CDH26: variants seen among roughly 807,000 people sequenced by gnomAD.
The protein encoded by CDH26 is cadherin 26, also known as cadherin-like protein 26.
Under a neutral mutation model 90.3 loss-of-function variants are expected in CDH26, and 83 were observed. The ratio of observed to expected loss-of-function variants is 0.92; its 90% CI spans 0.77 to 1.10. The LOEUF is 1.10. CDH26 is among the 50% of genes least tolerant of loss of function. The pLI is 0.00. For synonymous variants in CDH26, 397 were observed against 396.3 expected, an observed-to-expected ratio of 1.00 and a Z score of -0.02; for missense variants, 1,013 against 1,037.6, an observed-to-expected ratio of 0.98 and a Z score of 0.33.
rs554586698 is a variant in CDH26, at chr20:59,970,107, G to A, written c.152G>A (p.Arg51Gln). The A allele has an allele frequency of 6.2e-6, 10 of 1,613,950 alleles. No homozygotes were observed. The highest frequency in any genetic ancestry group is 5.3e-5 in the African/African-American group (4 of 75,024). ...GAAAAGATCTACCAGCCTCTACGGC[G>A]ATCCAAGAGAAGATGGGTTATCACC... Reference protein sequence around the residue: ...TKEKIYQPLRRSKRRWVITTL... With the variant: ...TKEKIYQPLRQSKRRWVITTL... Residue 51 changes from arginine to glutamine, a missense_variant, in exon 3 of 18, where the codon CGA (arginine) becomes CAA (glutamine). Transcript: ENST00000348616.
At chr20:60,004,656 C>T (rs368481868) in intron 16 of CDH26, among the ~76,000 whole-genome samples, 55 of 150,376 alleles carry the variant, frequency 3.7e-4, no homozygotes, top group African/African-American at 1.3e-3. Flanking sequence ...GCCCCAGCTA[C>T]TTGGGAGGCT....
intron 7 of CDH26, among the ~76,000 whole-genome samples, chr20:60,020,713 G>T (rs1416568967): frequency 6.6e-6 from 1 of 152,162 alleles, no homozygotes; most frequent in African/African-American, 2.4e-5. Context: ...GCTCACAGTG[G>T]GTGGGTATGT....
At chr20:60,032,273 T>C (rs993338389) in intron 8 of CDH26, among the ~76,000 whole-genome samples, 3 of 152,294 alleles carry the variant, frequency 2.0e-5, no homozygotes, top group Non-Finnish European at 2.9e-5. Flanking sequence ...GGCCTGTAGG[T>C]TGGCTGTGGC....
At chr20:60,005,502 A>ATGTG (rs2032974868) in intron 16 of CDH26, among the ~76,000 whole-genome samples, 1 of 152,222 alleles carries the variant, frequency 6.6e-6, no homozygotes, top group African/African-American at 2.4e-5. Context: ...GTATGTATGT[A>ATGTG]TGTATGTATG....
Position 59,992,197 on chromosome 20 carries a change from C to T in CDH26, c.1284-181C>T, listed in dbSNP as rs891502140. 6.6e-6 allele frequency among the ~76,000 whole-genome samples: 1 copy of T among 152,172 alleles called. No homozygotes were observed. Among genetic ancestry groups the T allele is most frequent in the South Asian group, 2.1e-4 (1 of 4,826 alleles). The stretch of plus-strand genomic sequence containing the variant: ...TAGGAGAGTCTTTAGGCTGTCCTCC[C>T]TGTGCTTCCATTCCTTTCGTGAATT... On this transcript the variant is annotated intron_variant, in intron 9 of 17. Coordinates refer to ENST00000348616, the MANE Select transcript of CDH26 (RefSeq NM_177980.4). This position sits in a 1 kb window ranked among gnomAD's most constrained non-coding sequence, Gnocchi z 5.0.
Position 60,001,441 on chromosome 20 carries a change from G to A in CDH26, c.2166+30G>A, listed in dbSNP as rs752100065. On this transcript the variant is annotated intron_variant, in intron 15 of 17. Coordinates refer to ENST00000348616, the MANE Select transcript of CDH26 (RefSeq NM_177980.4). Reference sequence around the variant, plus strand: ...GTTCCAGAAGGTTGCTCCCTGCTACGGCCATCTCACTAGTGACTAACAGTT... The same window carrying A: ...GTTCCAGAAGGTTGCTCCCTGCTACAGCCATCTCACTAGTGACTAACAGTT... The A allele has an allele frequency of 4.7e-5, 75 of 1,611,722 alleles. 1 individual carries two copies. The highest frequency in any genetic ancestry group is 2.8e-4 in the South Asian group (25 of 90,854).
chr20:60,031,731 G>A (rs918895917), intron 8 of CDH26, among the ~76,000 whole-genome samples: 1 of 152,184 alleles, frequency 6.6e-6, no homozygotes, highest in Non-Finnish European at 1.5e-5. Context: ...TTCTTCCCAC[G>A]CTGGCTCACA....
At chr20:59,985,247 C>A in intron 7 of CDH26, 118 bp downstream of exon 7, 1 of 1,184,302 alleles carries the variant, frequency 8.4e-7, no homozygotes, top group East Asian at 2.6e-5. Context: ...GAAGAAATAC[C>A]TCAGACTGGG....
intron 1 of CDH26, among the ~76,000 whole-genome samples, chr20:59,966,910 G>A (rs1310336740): frequency 6.6e-6 from 1 of 151,730 alleles, no homozygotes; most frequent in African/African-American, 2.4e-5. Flanking sequence ...ATGTTCTACA[G>A]CAATAAAAAT....
chr20:59,970,135 CT>C lies in CDH26; in HGVS notation c.182del (p.Leu61TrpfsTer28). ...CCAAGAGAAGATGGGTTATCACCAC[CT>C]TGGAGCTGGAGGAGGAAGACCCGGG... ...RSKRRWVITT[L>X]ELEEEDPGPF... On this transcript the variant is annotated frameshift_variant, in exon 3 of 18. Transcript: ENST00000348616. LOFTEE classifies it high-confidence loss of function. 2 of 1,614,126 alleles carry C rather than the reference CT, an allele frequency of 1.2e-6. No homozygotes were observed. The highest frequency in any genetic ancestry group is 1.7e-6 in the Non-Finnish European group (2 of 1,179,992).
At chr20:60,005,902 A>C (rs935177734) in intron 16 of CDH26, among the ~76,000 whole-genome samples, 4 of 150,616 alleles carry the variant, frequency 2.7e-5, no homozygotes, top group African/African-American at 7.3e-5. Flanking sequence ...CCAGCACCCC[A>C]CCTCTTTGGG....
intron 10 of CDH26, 144 bp from the exon 11 acceptor site, chr20:59,994,106 C>A (rs1322494154): frequency 9.7e-7 from 1 of 1,033,660 alleles, no homozygotes; most frequent in East Asian, 2.5e-5. Flanking sequence ...AGATCACGTG[C>A]ATGCCAGGAG....
At chr20:60,007,875 C>T (rs1316301164) in intron 17 of CDH26, among the ~76,000 whole-genome samples, 6 of 152,138 alleles carry the variant, frequency 3.9e-5, no homozygotes, top group African/African-American at 7.2e-5. Flanking sequence ...AGTTTGACTG[C>T]GCTGAAGGGG....
At position 59,996,738 on chromosome 20, in the gene CDH26, G is replaced by A. The variant is rs766406019; in HGVS notation, c.1996G>A (p.Glu666Lys). Residue 666 changes from glutamate (E) to lysine (K), a missense_variant, in exon 13 of 18, where the codon GAG (glutamate) becomes AAG (lysine). Transcript: ENST00000348616. ...GHQTLVMYNA[E>K]SKGTSAQTWS... is the part of the protein sequence containing the mutation. ...CCAAACACTGGTCATGTATAATGCG[G>A]AGAGCAAAGGCACTTCAGCCCAGGT... 4 of 1,614,110 alleles carry A rather than the reference G, an allele frequency of 2.5e-6. No individual in the cohort carries two copies. Among genetic ancestry groups the A allele is most frequent in the Non-Finnish European group, 3.4e-6 (4 of 1,180,058 alleles).
downstream of CDH26, among the ~76,000 whole-genome samples, chr20:60,017,919 T>A (rs140071778): frequency 4.1e-4 from 62 of 152,150 alleles, no homozygotes; most frequent in East Asian, 8.9e-3. Context: ...TAGTTTTGAG[T>A]GTTCATCTTG....
intron 10 of CDH26, 111 bp from the exon 11 acceptor site, chr20:59,994,139 A>C: frequency 7.2e-7 from 1 of 1,383,402 alleles, no homozygotes; most frequent in Non-Finnish European, 9.9e-7. Flanking sequence ...TGAAAGGGAA[A>C]CAGTTCCAGT....
chr20:59,988,710 A>G (rs2061488111), intron 8 of CDH26, among the ~76,000 whole-genome samples, 194 bp from the exon 9 acceptor site: 1 of 152,200 alleles, frequency 6.6e-6, no homozygotes, highest in South Asian at 2.1e-4. Context: ...GGGAAAAAAT[A>G]AAAGAGAAAA....
chr20:60,028,695 GGTT>G (rs1416251523), intron 7 of CDH26, among the ~76,000 whole-genome samples: 2 of 152,182 alleles, frequency 1.3e-5, no homozygotes, highest in African/African-American at 2.4e-5. Context: ...TGGCAAGTGA[GGTT>G]GTGGAGACAT....
At chr20:59,976,244 A>G (rs1383561197) in intron 4 of CDH26, among the ~76,000 whole-genome samples, 1 of 152,208 alleles carries the variant, frequency 6.6e-6, no homozygotes, top group African/African-American at 2.4e-5. Flanking sequence ...TTAATGCACC[A>G]TGGTTTGTTT....
Sources: allele counts gnomAD v4.1 joint callset (sites outside exome capture counted in the v4.1 genomes callset), GRCh38; gene constraint gnomAD v4.1.1; non-coding constraint Gnocchi (gnomAD v3.1); transcripts MANE v1.5; gene names NCBI Gene and HGNC (gene_info 2026-07-23, HGNC 2026-07-21).